RIN2: variants seen among roughly 807,000 people sequenced by gnomAD.
RIN2 encodes the protein Ras and Rab interactor 2.
Under a neutral mutation model 78.0 loss-of-function variants are expected in RIN2, and 36 were observed. The ratio of observed to expected loss-of-function variants is 0.46; its 90% confidence interval spans 0.35 to 0.61. The LOEUF is 0.61. Among genes scored for constraint, RIN2 ranks in the 20% least tolerant of loss-of-function variants. The pLI is 0.00. For missense variants in RIN2, 1,087 were observed against 1,159.7 expected, an observed-to-expected ratio of 0.94 and a Z score of 0.91; for synonymous variants, 466 against 466.8, an observed-to-expected ratio of 1.00 and a Z score of 0.02.
At chr20:19,910,541 A>AT (rs1030101674) in intron 3 of RIN2, among the ~76,000 whole-genome samples, 4 of 117,060 alleles carry the variant, frequency 3.4e-5, no homozygotes, top group African/African-American at 6.3e-5. Context: ...TATTGTTTGA[A>AT]TTTTTTTTTC....
chr20:19,996,363 C>T (rs2042965502), intron 11 of RIN2, among the ~76,000 whole-genome samples: 1 of 151,756 alleles, frequency 6.6e-6, no homozygotes, highest in Admixed American at 6.6e-5. Flanking sequence ...ACTTTAGTGG[C>T]TTGGTCAGTC....
chr20:19,984,661 G>A (rs2042570733), intron 9 of RIN2, among the ~76,000 whole-genome samples: 1 of 152,126 alleles, frequency 6.6e-6, no homozygotes, highest in South Asian at 2.1e-4. Context: ...CAGCTACTCA[G>A]GATGCTGAGG....
At chr20:19,933,518 G>T (rs2040516083) in intron 3 of RIN2, among the ~76,000 whole-genome samples, 2 of 150,200 alleles carry the variant, frequency 1.3e-5, no homozygotes, top group African/African-American at 4.9e-5. Flanking sequence ...GCTTGGTTCT[G>T]GTGTCTTTCT....
intron 2 of RIN2, among the ~76,000 whole-genome samples, chr20:19,852,232 A>G (rs2123195115): frequency 6.6e-6 from 1 of 152,274 alleles, no homozygotes; most frequent in East Asian, 1.9e-4. Context: ...GGGTGTGGAT[A>G]AATAGAAGGG....
At chr20:19,976,838 GTCTCTC>G (rs57267974) in intron 9 of RIN2, among the ~76,000 whole-genome samples, 2 of 151,070 alleles carry the variant, frequency 1.3e-5, no homozygotes, top group African/African-American at 2.4e-5. Flanking sequence ...CTCTTTCTCT[GTCTCTC>G]TCTCTCTCTC....
At chr20:19,763,273 C>T (rs920399370) in intron 1 of RIN2, among the ~76,000 whole-genome samples, 6 of 152,012 alleles carry the variant, frequency 3.9e-5, no homozygotes, top group Admixed American at 1.3e-4. Flanking sequence ...CTGTAGTCCT[C>T]GCTACTTCAG....
chr20:19,864,207 G>T (rs1162742765), intron 2 of RIN2, among the ~76,000 whole-genome samples: 2 of 152,088 alleles, frequency 1.3e-5, no homozygotes, highest in East Asian at 1.9e-4. Flanking sequence ...CCTGGTTTTT[G>T]ACCATCCTGG....
At chr20:19,795,703 G>A (rs1218554792) in intron 1 of RIN2, among the ~76,000 whole-genome samples, 1 of 152,014 alleles carries the variant, frequency 6.6e-6, no homozygotes, top group African/African-American at 2.4e-5. Flanking sequence ...GAGTGCCATT[G>A]TGTCAAATCC....
chr20:19,761,573 G>T (rs1450041447), intron 1 of RIN2, among the ~76,000 whole-genome samples: 1 of 152,184 alleles, frequency 6.6e-6, no homozygotes, highest in Non-Finnish European at 1.5e-5. Context: ...CTAGGGAATT[G>T]TTTAGTTCTC....
At chr20:19,951,886 A>T (rs1485100773) in intron 4 of RIN2, among the ~76,000 whole-genome samples, 1 of 152,080 alleles carries the variant, frequency 6.6e-6, no homozygotes, top group Non-Finnish European at 1.5e-5. Context: ...ACCTTTTATG[A>T]ACCTCTGTTC....
intron 2 of RIN2, among the ~76,000 whole-genome samples, chr20:19,842,387 CTTTTTTTTTTT>C (rs139642869): frequency 1.2e-3 from 57 of 46,198 alleles, no homozygotes; most frequent in African/African-American, 3.3e-3. Context: ...CCATCCCTGG[CTTTTTTTTTTT>C]TTTTTTTTTT....
chr20:19,845,041 T>C (rs1294426083), intron 2 of RIN2, among the ~76,000 whole-genome samples: 1 of 152,138 alleles, frequency 6.6e-6, no homozygotes, highest in Non-Finnish European at 1.5e-5. Flanking sequence ...GCTTCATCCA[T>C]GTCCCTGCAA....
chr20:19,975,432 C>G lies in RIN2; in HGVS notation c.1407C>G (p.Asp469Glu). The G allele has an allele frequency of 6.2e-7, 1 of 1,614,060 alleles. No homozygotes were observed. Among genetic ancestry groups the G allele is most frequent in the Non-Finnish European group, 8.5e-7 (1 of 1,179,900 alleles). Residue 469 changes from aspartate to glutamate, a missense_variant, in exon 9 of 13, where the codon GAC becomes GAG. Coordinates refer to ENST00000255006, the MANE Select transcript of RIN2 (RefSeq NM_018993.4). The surrounding 1 kb of genome is among the most constrained non-coding windows in gnomAD (Gnocchi z 4.9). ...SSLEDYEGES[D>E]QETMAPPIKS... ...TGGAGGACTACGAGGGGGAAAGTGA[C>G]CAAGAGACCATGGCGCCCCCCATCA...
At chr20:19,883,027 G>T (rs764133545) in intron 2 of RIN2, among the ~76,000 whole-genome samples, 2 of 152,134 alleles carry the variant, frequency 1.3e-5, no homozygotes, top group African/African-American at 2.4e-5. Context: ...ATTTTTGACG[G>T]CTCAGAACCC....
At chr20:19,968,195 G>A (rs1030553778) in intron 7 of RIN2, among the ~76,000 whole-genome samples, 1 of 152,100 alleles carries the variant, frequency 6.6e-6, no homozygotes, top group Non-Finnish European at 1.5e-5. Context: ...TTCCTCCCAG[G>A]GCTGTTCCAG....
At chr20:19,796,602 G>A (rs921499308) in intron 1 of RIN2, among the ~76,000 whole-genome samples, 3 of 152,168 alleles carry the variant, frequency 2.0e-5, no homozygotes, top group South Asian at 2.1e-4. Flanking sequence ...ATGGTCAAAC[G>A]TGTTTGAAAG....
chr20:19,886,005 C>A lies in RIN2; in HGVS notation c.-36-3561C>A, dbSNP rs750999046. Among the ~76,000 whole-genome samples, 62 of 127,146 alleles carry A rather than the reference C, an allele frequency of 4.9e-4. 1 individual carries two copies. Among genetic ancestry groups the A allele is most frequent in the Non-Finnish European group, 2.3e-4 (14 of 60,650 alleles). 83.4% of individuals were successfully genotyped at this position (127,146 alleles called of 152,430 possible). A position where few individuals can be genotyped will look rare whatever the true frequency, so the allele number is the denominator to read the frequency against. ...GTGGGGAAGGGACAGTAGAGGTGGG[C>A]GGGGAATAGGCGACGGGGGAGGGCA... On this transcript the variant is annotated intron_variant, in intron 2 of 12. Transcript: ENST00000255006.
At chr20:19,806,429 G>GGA (rs1443614899) in intron 2 of RIN2, among the ~76,000 whole-genome samples, 1 of 152,128 alleles carries the variant, frequency 6.6e-6, no homozygotes, top group Non-Finnish European at 1.5e-5. Context: ...GGCGTGAGAT[G>GGA]GACTTTTTAA....
intron 2 of RIN2, among the ~76,000 whole-genome samples, chr20:19,882,542 CTG>C (rs1249666575): frequency 6.6e-6 from 1 of 152,168 alleles, no homozygotes; most frequent in Non-Finnish European, 1.5e-5. Flanking sequence ...CTAAACTCAA[CTG>C]CTAACAGGTT....
Sources: gnomAD v4.1 joint callset for allele counts (sites outside exome capture counted in the v4.1 genomes callset) on GRCh38, gnomAD v4.1.1 for gene constraint, Gnocchi (gnomAD v3.1) non-coding constraint, MANE v1.5 for transcripts, NCBI Gene and HGNC (gene_info 2026-07-23, HGNC 2026-07-21) for gene names.